The following ACLY variants were observed in gnomAD, a reference collection of about 807,000 sequenced individuals.
ACLY encodes the protein ATP-citrate synthase.
Under a neutral mutation model 133.0 loss-of-function variants are expected in ACLY, and 41 were observed. The observed-to-expected ratio is 0.31, with a 90% CI of 0.24 to 0.40. The LOEUF is 0.40. ACLY is among the 10% of genes least tolerant of loss of function. ACLY has a pLI of 1.00. For missense variants in ACLY, 1,046 were observed against 1,453.8 expected, an observed-to-expected ratio of 0.72 and a Z score of 4.56; for synonymous variants, 495 against 549.3, an observed-to-expected ratio of 0.90 and a Z score of 1.38.
At chr17:41,914,282 C>T (rs2049988801) in intron 1 of ACLY, among the ~76,000 whole-genome samples, 2 of 152,156 alleles carry the variant, frequency 1.3e-5, no homozygotes, top group South Asian at 4.1e-4. Context: ...AATCTGAGTG[C>T]TGGTCCCATC....
chr17:41,892,164 G>C (rs1454952351), intron 16 of ACLY, 115 bp downstream of exon 16: 1 of 1,039,838 alleles, frequency 9.6e-7, no homozygotes, highest in Admixed American at 3.0e-5. Context: ...GCAGTGACGG[G>C]ACATCAACCA....
chr17:41,887,990 T>C (rs1183595582), intron 16 of ACLY, among the ~76,000 whole-genome samples: 1 of 151,840 alleles, frequency 6.6e-6, no homozygotes, highest in Non-Finnish European at 1.5e-5. Flanking sequence ...TAGCTGGGTA[T>C]GGTGGTGCGC....
Position 41,907,410 on chromosome 17 carries a change from C to T in ACLY, c.747+32G>A, listed in dbSNP as rs34072894. 3.1e-6 allele frequency: 5 copies of T among 1,603,150 alleles called. No individual in the cohort carries two copies. In the South Asian group the frequency reaches 3.3e-5, roughly 11 times the overall value. ...AGTCACCTCCCCACCGCCCTCCCCC[C>T]AGTCCCCATCTCCTCTCTAAACCAG... On this transcript the variant is annotated intron_variant, in intron 7 of 28. Transcript: ENST00000352035.
intron 3 of ACLY, 116 bp downstream of exon 3, chr17:41,912,304 T>A: frequency 7.0e-7 from 1 of 1,424,150 alleles, no homozygotes. Context: ...GACTCCTGCC[T>A]TCCCTGAGCT....
Position 41,871,743 on chromosome 17 carries a change from G to A in ACLY, c.2883C>T (p.Asn961=). Residue 961 remains asparagine, a synonymous_variant, in exon 25 of 29, where the codon AAC becomes AAT. Transcript: ENST00000352035. ...TCAGCTTCCCTTCCTTCTTCATCTT[G>A]TTCACAAACTCCATGGGGATAATGC... ...DSGIIPMEFV[N]KMKKEGKLIM... 1.2e-6 allele frequency: 2 copies of A among 1,614,042 alleles called. No homozygotes were observed. Among genetic ancestry groups the A allele is most frequent in the Non-Finnish European group, 1.7e-6 (2 of 1,180,012 alleles).
In ACLY at chr17:41,871,643, CCG is replaced by C. The variant is rs782042526; in HGVS notation, c.2937+44_2937+45del. 3 of 1,610,654 alleles carry C rather than the reference CCG, an allele frequency of 1.9e-6. No homozygotes were observed. The East Asian group carries it at 6.7e-5, about 36-fold the overall frequency. ...GTGCTGTGATTACAGGCATGGGCCA[CCG>C]CGCCTGGCCTCCATCCCACTTTTTT... On this transcript the variant is annotated intron_variant, in intron 25 of 28. Transcript: ENST00000352035.
Position 41,872,189 on chromosome 17 carries a change from T to TG in ACLY, c.2643-8dup, listed in dbSNP as rs147409151. The stretch of plus-strand genomic sequence containing the variant: ...GCAAGAGTACTTAGGCAACCTGGAG[T>TG]GGGGGGAACAAAGGCCAGGAGATGG... On this transcript the variant is annotated splice_polypyrimidine_tract_variant and splice_region_variant and intron_variant, in intron 23 of 28. Transcript: ENST00000352035. 4 of 1,611,634 alleles carry TG rather than the reference T, an allele frequency of 2.5e-6. No homozygotes were observed. The highest frequency in any genetic ancestry group is 2.5e-6 in the Non-Finnish European group (3 of 1,179,348).
chr17:41,882,513 A>G (rs782154426), intron 20 of ACLY, among the ~76,000 whole-genome samples: 1 of 151,790 alleles, frequency 6.6e-6, no homozygotes, highest in Admixed American at 6.6e-5. Flanking sequence ...AAGGTGGTAA[A>G]GGGTTCTCTA....
intron 16 of ACLY, 142 bp downstream of exon 16, chr17:41,892,137 G>T: frequency 1.3e-6 from 1 of 790,352 alleles, no homozygotes; most frequent in Non-Finnish European, 1.9e-6. Flanking sequence ...CAAATCCCCA[G>T]CCCTTTGTCC....
intron 27 of ACLY, 46 bp downstream of exon 27, chr17:41,868,996 CA>C (rs782583307): frequency 1.3e-6 from 2 of 1,526,166 alleles, no homozygotes; most frequent in East Asian, 4.5e-5. Context: ...GAGGAAACAA[CA>C]AAAATCAACA....
At chr17:41,926,032 A>C (rs2050239759) in intron 1 of ACLY, among the ~76,000 whole-genome samples, 1 of 151,758 alleles carries the variant, frequency 6.6e-6, no homozygotes. Flanking sequence ...TTTGGTAGAG[A>C]TGGGGCTTCA....
intron 10 of ACLY, 139 bp downstream of exon 10, chr17:41,904,590 G>T: frequency 1.3e-6 from 1 of 743,742 alleles, no homozygotes. Flanking sequence ...CCCTTTAAGA[G>T]ACCCTGGGGC....
chr17:41,909,562 G>A lies in ACLY; in HGVS notation c.484C>T (p.Pro162Ser). The change falls in exon 5 of 29, where the codon CCT (proline) becomes TCT (serine). Residue 162 changes from proline to serine, a missense_variant. By Grantham distance (74) the Pro-to-Ser change is moderately conservative (BLOSUM62 -1). Coordinates refer to ENST00000352035, the MANE Select transcript of ACLY (RefSeq NM_001096.3). ...LLVGVDEKLN[P>S]EDIKKHLLVH... is the part of the protein sequence containing the mutation. ...AACAGGTGTTTTTTGATGTCCTCAG[G>A]ATTCAGTTTCTCATCCACGCCAACA... is the stretch of plus-strand genomic sequence containing the variant. 1.2e-6 allele frequency: 2 copies of A among 1,614,178 alleles called. No individual in the cohort carries two copies. The highest frequency in any genetic ancestry group is 1.7e-6 in the Non-Finnish European group (2 of 1,180,032).
At chr17:41,876,972 T>C (rs2048777900) in intron 22 of ACLY, among the ~76,000 whole-genome samples, 1 of 152,080 alleles carries the variant, frequency 6.6e-6, no homozygotes, top group Non-Finnish European at 1.5e-5. Context: ...ATATGTCTTT[T>C]ACCCAGGGGA....
intron 23 of ACLY, 147 bp downstream of exon 23, chr17:41,873,664 C>A: frequency 1.0e-6 from 1 of 983,136 alleles, no homozygotes; most frequent in Non-Finnish European, 1.4e-6. Flanking sequence ...GTTTATGTGT[C>A]CTTCCTCTGG....
At chr17:41,919,129 G>A (rs539407600), upstream of ACLY, 1,576 of 1,134,156 alleles carry the variant, frequency 1.4e-3, 3 homozygotes, top group Non-Finnish European at 1.7e-3. Context: ...CGGGCCCCGG[G>A]GCCTGCTGGG....
At position 41,883,175 on chromosome 17, in the gene ACLY, T is replaced by C; in HGVS notation, c.2212A>G (p.Lys738Glu). ...CRGIKEGRLT[K>E]PIVCWCIGTC... Reference sequence around the variant, plus strand: ...CCGATGCACCAGCAGACGATGGGCTTAGTGAGGCGGCCCTCCTTGATGCCC... The same window carrying C: ...CCGATGCACCAGCAGACGATGGGCTCAGTGAGGCGGCCCTCCTTGATGCCC... Residue 738 changes from lysine (K) to glutamate (E), a missense_variant, in exon 20 of 29, where the codon AAG becomes GAG. Transcript: ENST00000352035. 1 of 1,614,030 alleles carries C rather than the reference T, an allele frequency of 6.2e-7. No homozygotes were observed.
intron 16 of ACLY, among the ~76,000 whole-genome samples, chr17:41,890,001 T>G (rs1555628937): frequency 6.6e-6 from 1 of 152,146 alleles, no homozygotes; most frequent in Admixed American, 6.5e-5. Context: ...ATGCAGTAGT[T>G]CAACTTCTAG....
chr17:41,887,776 G>A, intron 16 of ACLY, 73 bp from the exon 17 acceptor site: 1 of 1,222,978 alleles, frequency 8.2e-7, no homozygotes, highest in Non-Finnish European at 1.2e-6. Context: ...ACCGTTTAAG[G>A]GCCCACCTCC....
Sources: gnomAD v4.1 joint callset for allele counts (sites outside exome capture counted in the v4.1 genomes callset) on GRCh38, gnomAD v4.1.1 for gene constraint, MANE v1.5 for transcripts, NCBI Gene and HGNC (gene_info 2026-07-23, HGNC 2026-07-21) for gene names.